Variants in SLC47A2 observed in about 807,000 individuals in gnomAD.
SLC47A2 encodes the protein multidrug and toxin extrusion protein 2.
SLC47A2 carries 52 observed loss-of-function variants against 67.7 expected under a neutral mutation model. The ratio of observed to expected loss-of-function variants is 0.77; its 90% CI spans 0.61 to 0.97. SLC47A2 has a LOEUF of 0.97. Among genes scored for constraint, SLC47A2 ranks in the 50% least tolerant of loss-of-function variants. The pLI is 0.00. For missense variants in SLC47A2, 676 were observed against 712.3 expected (o/e 0.95, Z 0.58); for synonymous variants, 278 against 292.9 (o/e 0.95, Z 0.52).
At chr17:19,684,557 A>G (rs2085379538) in intron 13 of SLC47A2, among the ~76,000 whole-genome samples, 1 of 152,068 alleles carries the variant, frequency 6.6e-6, no homozygotes, top group Non-Finnish European at 1.5e-5. Context: ...GTAAAAGGAT[A>G]AGAATGTAAA....
At chr17:19,711,588 C>CAAAAAAAAAAAAAAAAAAAAAAAAAAAA (rs35308426) in intron 5 of SLC47A2, among the ~76,000 whole-genome samples, 3 of 33,008 alleles carry the variant, frequency 9.1e-5, no homozygotes, top group Non-Finnish European at 1.8e-4. Flanking sequence ...AACTCCGTCT[C>CAAAAAAAAAAAAAAAAAAAAAAAAAAAA]AAAAAAAAAA....
At chr17:19,690,596 A>T (rs1407778739) in intron 13 of SLC47A2, among the ~76,000 whole-genome samples, 2 of 152,218 alleles carry the variant, frequency 1.3e-5, no homozygotes, top group African/African-American at 4.8e-5. Context: ...AATCCGATTT[A>T]AAAATGGACA....
intron 13 of SLC47A2, among the ~76,000 whole-genome samples, chr17:19,689,995 G>GA (rs559688963): frequency 1.6e-4 from 24 of 151,988 alleles, no homozygotes; most frequent in Non-Finnish European, 3.4e-4. Flanking sequence ...AAAACTGGAG[G>GA]AATGACATTA....
rs537695011 is a variant in SLC47A2, at chr17:19,704,940, C to T, written c.909+496G>A. 9.9e-4 allele frequency: 415 copies of T among 417,430 alleles called. 2 individuals carry two copies. The highest frequency in any genetic ancestry group is 1.5e-3 in the Non-Finnish European group (355 of 236,138). 25.9% of individuals were successfully genotyped at this position (417,430 alleles called of 1,614,324 possible). On this transcript the variant is annotated intron_variant, in intron 10 of 16. Transcript: ENST00000433844. ...TCCCGGGTTCAAGTGATTCTTCTGC[C>T]TCAGCCTCCCAAGTGGCTGGGACTA...
At chr17:19,706,939 T>C (rs976272815) in intron 8 of SLC47A2, among the ~76,000 whole-genome samples, 178 bp from the exon 9 acceptor site, 2 of 152,122 alleles carry the variant, frequency 1.3e-5, no homozygotes, top group African/African-American at 2.4e-5. Flanking sequence ...TGTTGGGGCC[T>C]ACGGAGGAGG....
intron 4 of SLC47A2, among the ~76,000 whole-genome samples, chr17:19,713,419 C>A (rs200418740): frequency 0.033 from 4,512 of 136,996 alleles, 114 homozygotes; most frequent in African/African-American, 0.08. Flanking sequence ...TAATAATCAT[C>A]ATCATCATCA....
chr17:19,703,414 G>C (rs8064572), intron 11 of SLC47A2, among the ~76,000 whole-genome samples: 102,573 of 152,192 alleles, frequency 0.67, 34,858 homozygotes, highest in East Asian at 0.95. Flanking sequence ...GCACGCTGGC[G>C]CAGCAGCATT....
intron 15 of SLC47A2, 98 bp downstream of exon 15, chr17:19,681,269 G>T: frequency 3.1e-6 from 3 of 981,234 alleles, no homozygotes; most frequent in South Asian, 1.7e-5. Context: ...CTGCTGCCAA[G>T]TTCTGATGTG....
intron 7 of SLC47A2, 89 bp downstream of exon 7, chr17:19,708,213 C>T (rs945402581): frequency 3.1e-5 from 45 of 1,463,380 alleles, no homozygotes; most frequent in Non-Finnish European, 4.0e-5. Context: ...ACAGGCAGGG[C>T]CAGGATGGTG....
intron 16 of SLC47A2, among the ~76,000 whole-genome samples, chr17:19,679,509 T>TCAAGCCAGGCTGGCTGA (rs2085266618): frequency 1.3e-5 from 2 of 151,970 alleles, no homozygotes; most frequent in Non-Finnish European, 2.9e-5. Context: ...AGCCAATGAG[T>TCAAGCCAGGCTGGCTGA]CAAGCCAGGC....
chr17:19,714,468 C>A, intron 3 of SLC47A2: 1 of 576,226 alleles, frequency 1.7e-6, no homozygotes, highest in Non-Finnish European at 3.1e-6. Flanking sequence ...TGGTGACCTC[C>A]TCTGGGGGCA....
chr17:19,716,317 A>G, intron 1 of SLC47A2, 116 bp downstream of exon 1: 1 of 1,437,982 alleles, frequency 7.0e-7, no homozygotes, highest in South Asian at 1.5e-5. Flanking sequence ...GGCAGTCAAC[A>G]TGGGCAGTTT....
intron 16 of SLC47A2, among the ~76,000 whole-genome samples, chr17:19,679,480 A>G (rs928827155): frequency 6.6e-5 from 10 of 152,180 alleles, no homozygotes; most frequent in African/African-American, 2.4e-4. Context: ...AGAGAGGTAG[A>G]TAGCAGGTGC....
In SLC47A2 at chr17:19,713,775, G is replaced by A; in HGVS notation, c.443+50C>T. 4 of 1,580,668 alleles carry A rather than the reference G, an allele frequency of 2.5e-6. No individual in the cohort carries two copies. The South Asian group carries it at 3.4e-5, about 13-fold the overall frequency. ...GGGCATCTTCAGGGTTTCCCTCGGCGGCCCGGGTTTCCCAGCAAGCCCCAC... is the reference window on the plus strand; with the variant it reads ...GGGCATCTTCAGGGTTTCCCTCGGCAGCCCGGGTTTCCCAGCAAGCCCCAC... On this transcript the variant is annotated intron_variant, in intron 4 of 16. Coordinates refer to ENST00000433844, the MANE Select transcript of SLC47A2 (RefSeq NM_001099646.3).
rs1223191840 is a variant in SLC47A2 at position 19,702,654 on chromosome 17, C to T, written c.1115G>A (p.Ser372Asn). The change falls in exon 13 of 17, where the codon AGC becomes AAC. Residue 372 changes from serine (S) to asparagine (N), a missense_variant. Transcript: ENST00000433844. ...GACACTATAAACCGGCAAGACCTGGCTCACCAGGGCAATGACATCTCTGCA... is the reference window on the plus strand; with the variant it reads ...GACACTATAAACCGGCAAGACCTGGTTCACCAGGGCAATGACATCTCTGCA... ...TNDEDVIALV[S>N]QVLPVYSVFH... 6.2e-7 allele frequency: 1 copy of T among 1,614,026 alleles called. No individual in the cohort carries two copies. Among genetic ancestry groups the T allele is most frequent in the Admixed American group, 1.7e-5 (1 of 60,000 alleles).
chr17:19,705,590 T>C, intron 9 of SLC47A2, 87 bp from the exon 10 acceptor site: 1 of 1,265,732 alleles, frequency 7.9e-7, no homozygotes, highest in South Asian at 1.5e-5. Context: ...CTTTGGGGAC[T>C]CAGGGGCTTT....
intron 13 of SLC47A2, among the ~76,000 whole-genome samples, chr17:19,682,544 G>T (rs2085339961): frequency 6.6e-6 from 1 of 152,094 alleles, no homozygotes; most frequent in African/African-American, 2.4e-5. Context: ...TCTAACCTCT[G>T]CTTCCAGCCT....
chr17:19,679,153 G>A (rs1340550769), intron 16 of SLC47A2, among the ~76,000 whole-genome samples: 3 of 152,256 alleles, frequency 2.0e-5, no homozygotes, highest in African/African-American at 7.2e-5. Context: ...AGGATCTCAT[G>A]AGGAGTGTTC....
intron 5 of SLC47A2, 97 bp from the exon 6 acceptor site, chr17:19,708,857 A>C: frequency 7.0e-7 from 1 of 1,422,680 alleles, no homozygotes. Flanking sequence ...AGTACCCCAG[A>C]TTGGGGAAAT....
Sources: gnomAD v4.1 joint callset for allele counts (sites outside exome capture counted in the v4.1 genomes callset) on GRCh38, gnomAD v4.1.1 for gene constraint, MANE v1.5 for transcripts, NCBI Gene and HGNC (gene_info 2026-07-23, HGNC 2026-07-21) for gene names.